The following RNF121 variants were observed in gnomAD, a reference collection of about 807,000 sequenced individuals.
The protein encoded by RNF121 is E3 ubiquitin ligase RNF121.
RNF121 carries 21 observed loss-of-function variants against 46.5 expected under a neutral mutation model. That is an observed-to-expected ratio of 0.45 (90% confidence interval 0.32 to 0.65). RNF121 has a LOEUF of 0.65. RNF121 is among the 30% of genes least tolerant of loss of function. The pLI is 0.04. For missense variants in RNF121, 346 were observed against 416.0 expected (o/e 0.83, Z 1.46); for synonymous variants, 139 against 144.7 (o/e 0.96, Z 0.28).
chr11:71,936,046 ACCGTGTTAGCCAGGACGGTCT>A (rs1298266781), intron 1 of RNF121, among the ~76,000 whole-genome samples: 1 of 151,330 alleles, frequency 6.6e-6, no homozygotes, highest in African/African-American at 2.4e-5. Flanking sequence ...ACAGGGTTTC[ACCGTGTTAGCCAGGACGGTCT>A]CCATCTCCTG....
chr11:71,961,286 T>A lies in RNF121; in HGVS notation c.243+395T>A, dbSNP rs117176298. On this transcript the variant is annotated intron_variant, in intron 3 of 8. Coordinates refer to ENST00000361756, the MANE Select transcript of RNF121 (RefSeq NM_018320.5). The stretch of plus-strand genomic sequence containing the variant: ...TAAATTTTTTTAAAGAAGGATCGGG[T>A]GTGGTGGCTCATGTTTGTAATCCTA... Among the ~76,000 whole-genome samples the A allele has an allele frequency of 4.1e-4, 62 of 152,112 alleles. No individual in the cohort carries two copies. The East Asian group carries it at 0.011, about 26-fold the overall frequency.
At chr11:71,985,146 C>T (rs1954748235) in intron 4 of RNF121, among the ~76,000 whole-genome samples, 1 of 152,012 alleles carries the variant, frequency 6.6e-6, no homozygotes, top group Non-Finnish European at 1.5e-5. Flanking sequence ...AGGCTGGTCT[C>T]GAACTCCTGA....
In RNF121 at chr11:71,951,173, G is replaced by A. The variant is rs1316682899; in HGVS notation, c.64-6054G>A. On this transcript the variant is annotated intron_variant, in intron 1 of 8. Transcript: ENST00000361756. ...TGGGAGGCAGAGGTTGCGGTAAGCC[G>A]AGATTGTGCCATTGCACAAGAGCAA... is the stretch of plus-strand genomic sequence containing the variant. 7.4e-5 allele frequency among the ~76,000 whole-genome samples: 11 copies of A among 149,128 alleles called. 1 individual carries two copies. The South Asian group carries it at 2.1e-3, about 29-fold the overall frequency.
At chr11:71,953,435 G>A (rs776946089) in intron 1 of RNF121, among the ~76,000 whole-genome samples, 1 of 152,214 alleles carries the variant, frequency 6.6e-6, no homozygotes, top group Non-Finnish European at 1.5e-5. Flanking sequence ...TATGGCTGTA[G>A]ATGCAATTTG....
At position 71,980,142 on chromosome 11, in the gene RNF121, TC is replaced by T. The variant is rs57824459; in HGVS notation, c.244-2618del. Among the ~76,000 whole-genome samples, 696 of 152,264 alleles carry T rather than the reference TC, an allele frequency of 4.6e-3. 11 individuals are homozygous for T. Among genetic ancestry groups the T allele is most frequent in the African/African-American group, 0.016 (673 of 41,548 alleles). ...GTGCTTCCACACTTTTTATGTAAGGTCAGACTGTTTTAGAATGCTTCATTCA... is the reference window on the plus strand; with the variant it reads ...GTGCTTCCACACTTTTTATGTAAGGTAGACTGTTTTAGAATGCTTCATTCA... On this transcript the variant is annotated intron_variant, in intron 3 of 8. Transcript: ENST00000361756.
intron 1 of RNF121, among the ~76,000 whole-genome samples, chr11:71,931,657 G>A (rs567019691): frequency 2.6e-5 from 4 of 152,128 alleles, no homozygotes; most frequent in African/African-American, 9.7e-5. Context: ...TGCAAATAGC[G>A]TATTATAATA....
intron 2 of RNF121, among the ~76,000 whole-genome samples, chr11:71,958,403 TTTG>T (rs1186599554): frequency 6.6e-6 from 1 of 152,212 alleles, no homozygotes; most frequent in Non-Finnish European, 1.5e-5. Flanking sequence ...CAATATGTCC[TTTG>T]TTGTTATGGA....
Position 71,981,775 on chromosome 11 carries a change from C to T in RNF121, c.244-986C>T, listed in dbSNP as rs191048296. ...CTAGTTTTACTTTCCTCTTACTTAT[C>T]GGAATTTATTGAGGACATATCATAT... On this transcript the variant is annotated intron_variant, in intron 3 of 8. Coordinates refer to ENST00000361756, the MANE Select transcript of RNF121 (RefSeq NM_018320.5). Among the ~76,000 whole-genome samples the T allele has an allele frequency of 7.8e-4, 118 of 152,194 alleles. No individual in the cohort carries two copies. In the Middle Eastern group the frequency reaches 0.01, roughly 13 times the overall value.
chr11:71,984,366 G>A (rs1360253500), intron 4 of RNF121, among the ~76,000 whole-genome samples: 4 of 151,626 alleles, frequency 2.6e-5, no homozygotes, highest in Non-Finnish European at 5.9e-5. Context: ...TGCAAGCTCC[G>A]CCTCCTGGGT....
chr11:71,950,310 C>CACTTTTTT (rs1953841876), intron 1 of RNF121, among the ~76,000 whole-genome samples: 1 of 152,078 alleles, frequency 6.6e-6, no homozygotes, highest in Non-Finnish European at 1.5e-5. Flanking sequence ...TATAGCCAGG[C>CACTTTTTT]ACGGTGGCTC....
Position 71,996,514 on chromosome 11 carries a change from T to A in RNF121, c.*199T>A, listed in dbSNP as rs1954981743. On this transcript the variant is annotated 3_prime_UTR_variant, in exon 9 of 9. Coordinates refer to ENST00000361756, the MANE Select transcript of RNF121 (RefSeq NM_018320.5). ...GGGCTGTCAGCAGTGGGGGGCTTTT[T>A]AAAAGAAAACTATTTTGATGAATAT... is the stretch of plus-strand genomic sequence containing the variant. The A allele has an allele frequency of 7.2e-6, 4 of 551,972 alleles. No homozygotes were observed. In the East Asian group the frequency reaches 1.2e-4, roughly 17 times the overall value. The allele number at this position is 551,972 out of a possible 1,614,324, so 34.2% of individuals were successfully genotyped here. A position where few individuals can be genotyped will look rare whatever the true frequency, so the allele number is the denominator to read the frequency against.
At chr11:71,961,511 C>T (rs1346713563) in intron 3 of RNF121, among the ~76,000 whole-genome samples, 1 of 151,880 alleles carries the variant, frequency 6.6e-6, no homozygotes, top group East Asian at 1.9e-4. Context: ...TGCAGTGAGT[C>T]GTGATCGTGC....
rs72956138 is a variant in RNF121, at chr11:71,975,878, C to T, written c.244-6883C>T. Among the ~76,000 whole-genome samples the T allele has an allele frequency of 6.9e-3, 1,053 of 152,256 alleles. 5 individuals carry two copies. The highest frequency in any genetic ancestry group is 0.011 in the Non-Finnish European group (718 of 68,026). On this transcript the variant is annotated intron_variant, in intron 3 of 8. Coordinates refer to ENST00000361756, the MANE Select transcript of RNF121 (RefSeq NM_018320.5). ...CACAAAGGCAGATTTTTCAGGTCAG[C>T]ATCAGGAAAGAGCTGTCTAGCAAAT...
intron 1 of RNF121, chr11:71,938,926 ACGGAGTCTCGCT>A (rs1012402531): frequency 6.6e-6 from 1 of 152,046 alleles, no homozygotes; most frequent in Non-Finnish European, 1.5e-5. Context: ...TTTCTTTGAG[ACGGAGTCTCGCT>A]CTGTCGCCCA....
chr11:71,952,661 T>C (rs1953908772), intron 1 of RNF121, among the ~76,000 whole-genome samples: 1 of 152,054 alleles, frequency 6.6e-6, no homozygotes, highest in Non-Finnish European at 1.5e-5. Context: ...ATACAAAAAT[T>C]AGCCAGGCGT....
chr11:71,975,453 T>C (rs550437932), intron 3 of RNF121, among the ~76,000 whole-genome samples: 1 of 152,328 alleles, frequency 6.6e-6, no homozygotes, highest in Admixed American at 6.5e-5. Flanking sequence ...CTATTGGCCA[T>C]CAAGACAGAG....
In RNF121 at chr11:71,956,014, A is replaced by G. The variant is rs1953982926; in HGVS notation, c.64-1213A>G. Among the ~76,000 whole-genome samples, 3 of 152,226 alleles carry G rather than the reference A, an allele frequency of 2.0e-5. No homozygotes were observed. The South Asian group carries it at 6.2e-4, about 31-fold the overall frequency. ...TGTAGCAGCTGGAAAGGCCACCTTC[A>G]ATAGTGATGGGCATTTCCAGTACAC... is the stretch of plus-strand genomic sequence containing the variant. On this transcript the variant is annotated intron_variant, in intron 1 of 8. Transcript: ENST00000361756.
At chr11:71,989,228 G>A (rs1056754034) in intron 5 of RNF121, among the ~76,000 whole-genome samples, 3 of 152,076 alleles carry the variant, frequency 2.0e-5, no homozygotes, top group Non-Finnish European at 4.4e-5. Context: ...CTACAGGCAT[G>A]AGCCACCACA....
chr11:71,953,639 G>A (rs768024639), intron 1 of RNF121, among the ~76,000 whole-genome samples: 8 of 152,206 alleles, frequency 5.3e-5, no homozygotes, highest in Non-Finnish European at 2.9e-5. Context: ...AGGCAGTAGA[G>A]GATGTTTGTT....
Sources: allele counts gnomAD v4.1 joint callset (sites outside exome capture counted in the v4.1 genomes callset), GRCh38; gene constraint gnomAD v4.1.1; transcripts MANE v1.5; gene names NCBI Gene and HGNC (gene_info 2026-07-23, HGNC 2026-07-21).